The following CNTN5 variants were observed in gnomAD, a reference collection of about 807,000 sequenced individuals.
CNTN5 encodes the protein contactin 5.
A neutral mutation model predicts 129.1 loss-of-function variants in CNTN5; 77 were observed. That is an observed-to-expected ratio of 0.60 (90% CI 0.50 to 0.72). The LOEUF (loss-of-function observed/expected upper bound fraction) is 0.72. CNTN5 is among the 30% of genes least tolerant of loss of function. CNTN5 has a pLI of 0.00. For synonymous variants in CNTN5, 509 were observed against 465.6 expected (o/e 1.09, Z -1.20); for missense variants, 1,478 against 1,328.8 (o/e 1.11, Z -1.75).
chr11:100,195,578 A>G (rs1948616681), intron 15 of CNTN5, among the ~76,000 whole-genome samples: 1 of 151,292 alleles, frequency 6.6e-6, no homozygotes, highest in Non-Finnish European at 1.5e-5. Flanking sequence ...GATTAGAGAC[A>G]GTAACAATAA....
At chr11:99,361,556 C>T (rs901172274) in intron 2 of CNTN5, among the ~76,000 whole-genome samples, 2 of 152,100 alleles carry the variant, frequency 1.3e-5, no homozygotes, top group Admixed American at 6.6e-5. Context: ...TTAGTTTGCT[C>T]ATAATGTTGT....
chr11:99,836,795 C>T (rs1338937334), intron 4 of CNTN5, among the ~76,000 whole-genome samples: 1 of 152,220 alleles, frequency 6.6e-6, no homozygotes, highest in Non-Finnish European at 1.5e-5. Flanking sequence ...CACATCCTCT[C>T]CAGCACCTGT....
chr11:99,280,018 TA>T lies in CNTN5; in HGVS notation c.-209-45327del, dbSNP rs1413676821. On this transcript the variant is annotated intron_variant, in intron 1 of 24. Coordinates refer to ENST00000524871, the MANE Select transcript of CNTN5 (RefSeq NM_014361.4). The stretch of plus-strand genomic sequence containing the variant: ...CTCAGAAAAAGAAAAAAAATCAGGA[TA>T]TTTTTAAAGGTAATATAGTTTTCTT... Among the ~76,000 whole-genome samples, 4 of 151,722 alleles carry T rather than the reference TA, an allele frequency of 2.6e-5. No homozygotes were observed. In the East Asian group the frequency reaches 7.7e-4, roughly 29 times the overall value.
At chr11:100,143,670 T>C (rs370782591) in intron 13 of CNTN5, among the ~76,000 whole-genome samples, 1 of 152,124 alleles carries the variant, frequency 6.6e-6, no homozygotes, top group Admixed American at 6.6e-5. Context: ...GCCAGATTGT[T>C]AGTAATATGG....
chr11:99,040,739 T>G (rs7121873), intron 1 of CNTN5, among the ~76,000 whole-genome samples: 50,660 of 151,960 alleles, frequency 0.33, 8,950 homozygotes, highest in African/African-American at 0.45. Context: ...AATGATTTAT[T>G]CAAGGAACAA....
At chr11:100,330,041 A>T (rs1216187) in intron 21 of CNTN5, among the ~76,000 whole-genome samples, 20,354 of 152,188 alleles carry the variant, frequency 0.13, 1,721 homozygotes, top group East Asian at 0.33. Context: ...AGGAGGCACC[A>T]GAGAAAGGTG....
At chr11:100,352,992 T>A (rs189933494) in intron 24 of CNTN5, among the ~76,000 whole-genome samples, 1 of 151,638 alleles carries the variant, frequency 6.6e-6, no homozygotes, top group African/African-American at 2.4e-5. Flanking sequence ...TTTCTAGCAA[T>A]CCTTTGGGTT....
chr11:99,408,810 A>C (rs1942254861), intron 2 of CNTN5, among the ~76,000 whole-genome samples: 1 of 152,254 alleles, frequency 6.6e-6, no homozygotes, highest in Non-Finnish European at 1.5e-5. Context: ...TTAACAAAGA[A>C]AAATATACTG....
chr11:99,517,439 A>T (rs191992279), intron 2 of CNTN5, among the ~76,000 whole-genome samples: 1 of 152,062 alleles, frequency 6.6e-6, no homozygotes, highest in East Asian at 1.9e-4. Context: ...CATAGGATGT[A>T]CTCCGAAATT....
intron 3 of CNTN5, among the ~76,000 whole-genome samples, chr11:99,593,995 A>C (rs1950053686): frequency 6.6e-6 from 1 of 151,960 alleles, no homozygotes. Context: ...GTTGTTAGGG[A>C]TTTTTCCCTC....
At chr11:100,318,757 A>G (rs1280030414) in intron 21 of CNTN5, among the ~76,000 whole-genome samples, 1 of 152,202 alleles carries the variant, frequency 6.6e-6, no homozygotes, top group African/African-American at 2.4e-5. Flanking sequence ...GCACAGATAC[A>G]TACAGACATG....
At chr11:99,402,527 T>A (rs1591630924) in intron 2 of CNTN5, among the ~76,000 whole-genome samples, 1 of 152,138 alleles carries the variant, frequency 6.6e-6, no homozygotes, top group East Asian at 1.9e-4. Flanking sequence ...TGACCTATAG[T>A]TTTGTTGTTG....
At chr11:99,625,690 G>T (rs1485815469) in intron 3 of CNTN5, among the ~76,000 whole-genome samples, 1 of 151,884 alleles carries the variant, frequency 6.6e-6, no homozygotes, top group Non-Finnish European at 1.5e-5. Context: ...ATCTTATAAA[G>T]ACCTTTTTTC....
At chr11:99,549,226 T>C (rs1948401790) in intron 2 of CNTN5, among the ~76,000 whole-genome samples, 1 of 152,148 alleles carries the variant, frequency 6.6e-6, no homozygotes, top group African/African-American at 2.4e-5. Context: ...GTGACATGAC[T>C]CTTGACTGAA....
At chr11:99,854,993 C>G (rs572267180) in intron 6 of CNTN5, among the ~76,000 whole-genome samples, 1 of 152,056 alleles carries the variant, frequency 6.6e-6, no homozygotes. Context: ...GGACTGATAT[C>G]ACATGCTAAA....
At chr11:99,064,342 C>T (rs1245319270) in intron 1 of CNTN5, among the ~76,000 whole-genome samples, 1 of 152,110 alleles carries the variant, frequency 6.6e-6, no homozygotes, top group African/African-American at 2.4e-5. Context: ...ATTTATAATT[C>T]TATTGGCATC....
intron 8 of CNTN5, among the ~76,000 whole-genome samples, chr11:99,961,103 G>A (rs1315205910): frequency 6.7e-6 from 1 of 150,156 alleles, no homozygotes; most frequent in Non-Finnish European, 1.5e-5. Flanking sequence ...TACCCGGGAG[G>A]CTGAGACAGG....
In CNTN5 at chr11:99,438,190, T is replaced by C. The variant is rs576915010; in HGVS notation, c.-71+112706T>C. On this transcript the variant is annotated intron_variant, in intron 2 of 24. Coordinates refer to ENST00000524871, the MANE Select transcript of CNTN5 (RefSeq NM_014361.4). ...TACAAATTCTGATTGAGTCAATAAA[T>C]ACTTAATAAAGCATGATGAAAGTGC... is the stretch of plus-strand genomic sequence containing the variant. Among the ~76,000 whole-genome samples the C allele has an allele frequency of 2.0e-4, 31 of 152,346 alleles. No individual in the cohort carries two copies. In the South Asian group the frequency reaches 5.4e-3, roughly 26 times the overall value.
intron 1 of CNTN5, among the ~76,000 whole-genome samples, chr11:99,104,939 A>C (rs1866925439): frequency 6.6e-6 from 1 of 152,230 alleles, no homozygotes. Context: ...CCATTACTAA[A>C]TGTTCCCTGT....
Sources: gnomAD v4.1 joint callset for allele counts (sites outside exome capture counted in the v4.1 genomes callset) on GRCh38, gnomAD v4.1.1 for gene constraint, MANE v1.5 for transcripts, NCBI Gene and HGNC (gene_info 2026-07-23, HGNC 2026-07-21) for gene names.